Variants in RALYL observed in about 807,000 individuals in gnomAD.
The protein encoded by RALYL is RNA-binding Raly-like protein.
RALYL carries 29 observed loss-of-function variants against 35.1 expected under a neutral mutation model. That is an observed-to-expected ratio of 0.83 (90% CI 0.61 to 1.13). The LOEUF is 1.13. Among genes scored for constraint, RALYL ranks in the 50% most tolerant of loss-of-function variants. RALYL has a pLI of 0.00. For synonymous variants in RALYL, 120 were observed against 127.6 expected (o/e 0.94, Z 0.40); for missense variants, 359 against 360.4 (o/e 1.00, Z 0.03).
chr8:84,718,707 G>A (rs1044485695), intron 2 of RALYL, among the ~76,000 whole-genome samples: 1 of 152,018 alleles, frequency 6.6e-6, no homozygotes, highest in Non-Finnish European at 1.5e-5. Context: ...AGAGGTTGCA[G>A]TGAGCCGAGA....
intron 2 of RALYL, among the ~76,000 whole-genome samples, chr8:84,633,413 T>C (rs552142185): frequency 2.0e-5 from 3 of 151,810 alleles, no homozygotes; most frequent in Admixed American, 2.0e-4. Flanking sequence ...CAATTTAAAA[T>C]AGAAAAAGGC....
chr8:84,683,618 TG>T (rs1379400973), intron 2 of RALYL, among the ~76,000 whole-genome samples: 2 of 152,162 alleles, frequency 1.3e-5, no homozygotes, highest in Non-Finnish European at 2.9e-5. Flanking sequence ...TATACAGCAC[TG>T]GGGCTGAGAT....
chr8:84,683,768 C>T (rs1167895302), intron 2 of RALYL, among the ~76,000 whole-genome samples: 1 of 152,142 alleles, frequency 6.6e-6, no homozygotes, highest in Admixed American at 6.6e-5. Context: ...TTCACTGCAA[C>T]CTCCGCCTCC....
chr8:84,279,621 A>T (rs1836146964), intron 1 of RALYL, among the ~76,000 whole-genome samples: 1 of 152,194 alleles, frequency 6.6e-6, no homozygotes, highest in Non-Finnish European at 1.5e-5. Context: ...AGGTGTTAGT[A>T]GAGCTATGTT....
intron 2 of RALYL, among the ~76,000 whole-genome samples, chr8:84,610,425 T>C (rs1818055337): frequency 6.6e-6 from 1 of 152,090 alleles, no homozygotes. Flanking sequence ...GGTAAGGCAA[T>C]TTTTAGCACA....
chr8:84,860,600 C>A (rs1837914390), intron 5 of RALYL, among the ~76,000 whole-genome samples: 1 of 152,096 alleles, frequency 6.6e-6, no homozygotes, highest in South Asian at 2.1e-4. Context: ...TATTCATAAC[C>A]CTTTTCAGCC....
At chr8:84,714,532 A>G (rs780454304) in intron 2 of RALYL, among the ~76,000 whole-genome samples, 7 of 151,712 alleles carry the variant, frequency 4.6e-5, no homozygotes, top group Non-Finnish European at 1.0e-4. Context: ...AAACTAAAAT[A>G]AAATACTGTC....
At chr8:84,748,439 CT>C (rs1809171832) in intron 2 of RALYL, among the ~76,000 whole-genome samples, 1 of 151,992 alleles carries the variant, frequency 6.6e-6, no homozygotes, top group African/African-American at 2.4e-5. Flanking sequence ...TGTATTTAAT[CT>C]TTGGAAGATC....
intron 2 of RALYL, among the ~76,000 whole-genome samples, chr8:84,658,953 A>C (rs1240043942): frequency 6.6e-6 from 1 of 152,128 alleles, no homozygotes; most frequent in Non-Finnish European, 1.5e-5. Context: ...AAACAAAACA[A>C]AACAAAAAAC....
intron 1 of RALYL, chr8:84,185,353 A>G: frequency 3.2e-6 from 1 of 315,996 alleles, no homozygotes. Flanking sequence ...GGCAGGAGTG[A>G]GGGGTTGGTG....
At chr8:84,641,212 C>A (rs1237596111) in intron 2 of RALYL, among the ~76,000 whole-genome samples, 1 of 151,166 alleles carries the variant, frequency 6.6e-6, no homozygotes, top group African/African-American at 2.4e-5. Flanking sequence ...TTTATTTTTA[C>A]CTTTTTTAAA....
At chr8:84,760,460 T>A (rs989241445) in intron 2 of RALYL, among the ~76,000 whole-genome samples, 1 of 152,034 alleles carries the variant, frequency 6.6e-6, no homozygotes, top group Non-Finnish European at 1.5e-5. Context: ...TATACAGTCA[T>A]GAAACAGAAA....
intron 2 of RALYL, among the ~76,000 whole-genome samples, chr8:84,683,657 T>G (rs1368312434): frequency 6.6e-6 from 1 of 152,080 alleles, no homozygotes; most frequent in Non-Finnish European, 1.5e-5. Flanking sequence ...AAGCTAGGTT[T>G]TTTTGTTTTG....
At chr8:84,205,116 A>G (rs949929937) in intron 1 of RALYL, among the ~76,000 whole-genome samples, 1 of 152,184 alleles carries the variant, frequency 6.6e-6, no homozygotes, top group Non-Finnish European at 1.5e-5. Context: ...TTATTTACAA[A>G]TATGGCCCTT....
At chr8:84,716,883 G>A (rs536420702) in intron 2 of RALYL, among the ~76,000 whole-genome samples, 1 of 152,102 alleles carries the variant, frequency 6.6e-6, no homozygotes, top group South Asian at 2.1e-4. Context: ...TAGGAAAAAA[G>A]TTAATAACCA....
intron 2 of RALYL, among the ~76,000 whole-genome samples, chr8:84,730,796 C>G (rs902917953): frequency 5.9e-5 from 9 of 151,878 alleles, no homozygotes; most frequent in African/African-American, 2.2e-4. Flanking sequence ...AGCCACAAGA[C>G]TAGAAGCAAT....
intron 1 of RALYL, among the ~76,000 whole-genome samples, chr8:84,455,977 A>C (rs1355937243): frequency 6.6e-6 from 1 of 151,976 alleles, no homozygotes; most frequent in East Asian, 1.9e-4. Flanking sequence ...TCAACCTCAA[A>C]TCTATCTGAT....
intron 1 of RALYL, among the ~76,000 whole-genome samples, chr8:84,367,912 T>C (rs1187513305): frequency 3.3e-5 from 5 of 152,194 alleles, no homozygotes; most frequent in African/African-American, 4.8e-5. Context: ...TCCAGATCTA[T>C]GCTGTCACTT....
chr8:84,428,056 G>C (rs750534121), intron 1 of RALYL, among the ~76,000 whole-genome samples: 154 of 148,732 alleles, frequency 1.0e-3, no homozygotes, highest in Non-Finnish European at 1.9e-3. Context: ...TATTGATCCG[G>C]CTCGCTTGCG....
Sources: allele counts gnomAD v4.1 joint callset (sites outside exome capture counted in the v4.1 genomes callset), GRCh38; gene constraint gnomAD v4.1.1; transcripts MANE v1.5; gene names NCBI Gene and HGNC (gene_info 2026-07-23, HGNC 2026-07-21).